MAST4: variants seen among roughly 807,000 people sequenced by gnomAD.
MAST4 encodes the protein microtubule-associated serine/threonine-protein kinase 4.
A neutral mutation model predicts 162.7 loss-of-function variants in MAST4; 89 were observed. The observed-to-expected ratio is 0.55, with a 90% CI of 0.46 to 0.65. MAST4 has a LOEUF of 0.65. Among genes scored for constraint, MAST4 ranks in the 30% least tolerant of loss-of-function variants. MAST4 has a pLI of 0.00. For synonymous variants in MAST4, 1,479 were observed against 1,361.1 expected, an observed-to-expected ratio of 1.09 and a Z score of -1.91; for missense variants, 3,153 against 3,374.0, an observed-to-expected ratio of 0.93 and a Z score of 1.62.
intron 3 of MAST4, among the ~76,000 whole-genome samples, chr5:66,836,125 C>T (rs1017581066): frequency 7.3e-5 from 11 of 151,536 alleles, no homozygotes; most frequent in Non-Finnish European, 1.3e-4. Flanking sequence ...GAGCTGTGTT[C>T]GTGCCACTGC....
intron 5 of MAST4, among the ~76,000 whole-genome samples, chr5:67,064,212 G>C (rs1759964610): frequency 6.6e-6 from 1 of 152,120 alleles, no homozygotes; most frequent in African/African-American, 2.4e-5. Context: ...TTAAGGTCCT[G>C]AGAGGACACA....
chr5:66,623,932 A>G (rs746351824), intron 1 of MAST4, among the ~76,000 whole-genome samples: 1 of 152,212 alleles, frequency 6.6e-6, no homozygotes, highest in African/African-American at 2.4e-5. Flanking sequence ...AAAAATCAAC[A>G]TACAAAAACA....
chr5:66,885,178 T>C (rs550244258), intron 3 of MAST4, among the ~76,000 whole-genome samples: 137 of 152,296 alleles, frequency 9.0e-4, no homozygotes, highest in Non-Finnish European at 1.7e-3. Context: ...TTTACTCTAC[T>C]TCACCAGCCA....
intron 5 of MAST4, among the ~76,000 whole-genome samples, chr5:67,084,230 C>T (rs1416924474): frequency 2.0e-5 from 3 of 152,120 alleles, no homozygotes; most frequent in Admixed American, 1.3e-4. Context: ...ATTACATGTC[C>T]GTTTATCAAC....
chr5:66,636,119 A>G (rs888098399), intron 1 of MAST4, among the ~76,000 whole-genome samples: 2 of 151,804 alleles, frequency 1.3e-5, no homozygotes, highest in East Asian at 1.9e-4. Flanking sequence ...CACCACGCCC[A>G]GCTAATTTCT....
chr5:66,686,470 T>G (rs1748666069), intron 1 of MAST4, among the ~76,000 whole-genome samples: 1 of 152,162 alleles, frequency 6.6e-6, no homozygotes, highest in Non-Finnish European at 1.5e-5. Context: ...CAAAAAACTG[T>G]CATGAAACTA....
chr5:66,974,374 C>G (rs1310315252), intron 4 of MAST4, among the ~76,000 whole-genome samples: 1 of 152,208 alleles, frequency 6.6e-6, no homozygotes, highest in Non-Finnish European at 1.5e-5. Flanking sequence ...GAGCCTACAT[C>G]AAGCTTTTCC....
intron 1 of MAST4, among the ~76,000 whole-genome samples, chr5:66,659,982 CAT>C (rs1385828822): frequency 2.0e-5 from 3 of 151,168 alleles, no homozygotes; most frequent in African/African-American, 7.3e-5. Context: ...CTTGTGAAGA[CAT>C]AGAGATGTGG....
chr5:66,674,729 G>A (rs528443351), intron 1 of MAST4, among the ~76,000 whole-genome samples: 28 of 152,252 alleles, frequency 1.8e-4, no homozygotes, highest in Middle Eastern at 3.4e-3. Context: ...GTCACTTCTC[G>A]TTTTCAAAAG....
At chr5:67,061,295 G>A (rs1360000755) in intron 5 of MAST4, among the ~76,000 whole-genome samples, 9 of 152,230 alleles carry the variant, frequency 5.9e-5, no homozygotes, top group Non-Finnish European at 5.9e-5. Context: ...CTTACTATTC[G>A]TAATGTACAT....
At chr5:66,654,852 G>A (rs1021297710) in intron 1 of MAST4, among the ~76,000 whole-genome samples, 12 of 152,050 alleles carry the variant, frequency 7.9e-5, no homozygotes, top group Non-Finnish European at 1.5e-4. Flanking sequence ...TTTGGTTAGT[G>A]GCCAACAAGT....
At chr5:66,888,026 G>A (rs1762148463) in intron 3 of MAST4, among the ~76,000 whole-genome samples, 1 of 151,770 alleles carries the variant, frequency 6.6e-6, no homozygotes, top group South Asian at 2.1e-4. Flanking sequence ...GGCTAACATG[G>A]TGAAACCCCG....
intron 3 of MAST4, among the ~76,000 whole-genome samples, chr5:66,866,483 A>C (rs995751388): frequency 2.0e-4 from 30 of 152,162 alleles, no homozygotes; most frequent in African/African-American, 7.2e-4. Flanking sequence ...GATAATGGTT[A>C]AATCTCCCTG....
chr5:67,069,312 A>ATATATATATATATATATATATATATAG (rs1561606003), intron 5 of MAST4, among the ~76,000 whole-genome samples: 1 of 134,068 alleles, frequency 7.5e-6, no homozygotes, highest in African/African-American at 2.7e-5. Context: ...ATATATATAT[A>ATATATATATATATATATATATATATAG]AAATTTTAAA....
intron 4 of MAST4, among the ~76,000 whole-genome samples, chr5:66,927,124 T>C (rs2150063649): frequency 6.6e-6 from 1 of 152,352 alleles, no homozygotes; most frequent in South Asian, 2.1e-4. Context: ...GGCTTTCTTC[T>C]CCAGCTTTTT....
At chr5:66,874,606 A>AG (rs2149884087) in intron 3 of MAST4, among the ~76,000 whole-genome samples, 1 of 152,346 alleles carries the variant, frequency 6.6e-6, no homozygotes, top group East Asian at 1.9e-4. Context: ...TCTTTAAAAA[A>AG]CAAACCAAAC....
At chr5:66,997,361 A>G (rs1477641049) in intron 4 of MAST4, among the ~76,000 whole-genome samples, 2 of 150,888 alleles carry the variant, frequency 1.3e-5, no homozygotes, top group African/African-American at 4.9e-5. Flanking sequence ...AACATTGAGT[A>G]TTATCTTTTT....
At chr5:67,052,141 T>C (rs1758259576) in intron 4 of MAST4, among the ~76,000 whole-genome samples, 1 of 152,174 alleles carries the variant, frequency 6.6e-6, no homozygotes, top group South Asian at 2.1e-4. Context: ...AATTTGTTTT[T>C]AACTTCTCTT....
chr5:66,967,404 G>T (rs576399725), intron 4 of MAST4, among the ~76,000 whole-genome samples: 11 of 152,192 alleles, frequency 7.2e-5, no homozygotes, highest in Non-Finnish European at 1.5e-4. Context: ...TTCCAGGACA[G>T]CTCAGTTGCT....
Sources: allele counts gnomAD v4.1 joint callset (sites outside exome capture counted in the v4.1 genomes callset), GRCh38; gene constraint gnomAD v4.1.1; transcripts MANE v1.5; gene names NCBI Gene and HGNC (gene_info 2026-07-23, HGNC 2026-07-21).